RAD21L1: variants seen among roughly 807,000 people sequenced by gnomAD.
The protein encoded by RAD21L1 is RAD21 cohesin complex component like 1.
Under a neutral mutation model 69.0 loss-of-function variants are expected in RAD21L1, and 47 were observed. The ratio of observed to expected loss-of-function variants is 0.68; its 90% CI spans 0.54 to 0.87. The LOEUF (loss-of-function observed/expected upper bound fraction) is 0.87. RAD21L1 is among the 40% of genes least tolerant of loss of function. RAD21L1 has a pLI of 0.00. For synonymous variants in RAD21L1, 177 were observed against 205.8 expected (o/e 0.86, Z 1.20); for missense variants, 583 against 647.6 (o/e 0.90, Z 1.08).
At chr20:1,242,547 G>A (rs1189691927) in intron 8 of RAD21L1, 72 bp from the exon 9 acceptor site, 1 of 1,182,818 alleles carries the variant, frequency 8.5e-7, no homozygotes, top group East Asian at 2.5e-5. Context: ...AATTTCTTAA[G>A]TATTTAGTGC....
chr20:1,247,501 C>T (rs887447380), intron 12 of RAD21L1, among the ~76,000 whole-genome samples: 1 of 152,050 alleles, frequency 6.6e-6, no homozygotes, highest in African/African-American at 2.4e-5. Context: ...TAAATTGTAG[C>T]TGAAGGGATT....
chr20:1,252,192 T>C (rs781468045), intron 13 of RAD21L1, among the ~76,000 whole-genome samples: 1 of 152,228 alleles, frequency 6.6e-6, no homozygotes, highest in Admixed American at 6.5e-5. Flanking sequence ...TATTCCTTTT[T>C]GCTCTTTAAT....
At chr20:1,249,634 A>G (rs1371103118) in intron 13 of RAD21L1, among the ~76,000 whole-genome samples, 1 of 152,212 alleles carries the variant, frequency 6.6e-6, no homozygotes, top group Non-Finnish European at 1.5e-5. Context: ...ATTGACCAGT[A>G]CTTAGTCACA....
chr20:1,232,695 T>G lies in RAD21L1; in HGVS notation c.368+1076T>G, dbSNP rs528822478. Among the ~76,000 whole-genome samples the G allele has an allele frequency of 1.8e-4, 27 of 152,264 alleles. 1 individual carries two copies. The highest frequency in any genetic ancestry group is 5.2e-4 in the Admixed American group (8 of 15,286). On this transcript the variant is annotated intron_variant, in intron 4 of 13. Coordinates refer to ENST00000683101, the MANE Select transcript of RAD21L1 (RefSeq NM_001384355.1). ...AAGGAAGTAAACTAGGTTTTGCATA[T>G]AAGTTTTGGGATGACTGTTACACAT...
chr20:1,239,118 C>T (rs902414000), intron 6 of RAD21L1, among the ~76,000 whole-genome samples, 194 bp from the exon 7 acceptor site: 11 of 152,146 alleles, frequency 7.2e-5, no homozygotes, highest in African/African-American at 2.2e-4. Context: ...TGAGCCACTG[C>T]GCCCAGCCAA....
intron 2 of RAD21L1, among the ~76,000 whole-genome samples, chr20:1,229,150 A>G (rs974614251): frequency 1.3e-5 from 2 of 152,224 alleles, no homozygotes; most frequent in Non-Finnish European, 2.9e-5. Context: ...CTATAAGTCT[A>G]TTTAATCTTT....
Position 1,244,031 on chromosome 20 carries a change from TC to T in RAD21L1, c.1184-13del. 1 of 1,546,148 alleles carries T rather than the reference TC, an allele frequency of 6.5e-7. No individual in the cohort carries two copies. Among genetic ancestry groups the T allele is most frequent in the Non-Finnish European group, 8.7e-7 (1 of 1,143,950 alleles). On this transcript the variant is annotated splice_polypyrimidine_tract_variant and intron_variant, in intron 10 of 13. Transcript: ENST00000683101. ...ATATTTTGGTGAAATTGTCTTTATT[TC>T]CTTGATAATTCAGAGACATCCATGA...
At chr20:1,248,801 CT>C (rs1568527140) in intron 13 of RAD21L1, 98 bp downstream of exon 13, 2 of 708,662 alleles carry the variant, frequency 2.8e-6, no homozygotes, top group East Asian at 3.1e-5. Flanking sequence ...AATAATTTTC[CT>C]TATTTTTTTG....
At chr20:1,244,630 C>G (rs2087684040) in intron 11 of RAD21L1, among the ~76,000 whole-genome samples, 1 of 151,822 alleles carries the variant, frequency 6.6e-6, no homozygotes, top group Non-Finnish European at 1.5e-5. Context: ...AGATCTATGA[C>G]CAAAACAAAA....
intron 7 of RAD21L1, 100 bp from the exon 8 acceptor site, chr20:1,240,221 T>C (rs2087578336): frequency 2.1e-6 from 3 of 1,404,286 alleles, no homozygotes; most frequent in Non-Finnish European, 2.8e-6. Flanking sequence ...GTAATATAAA[T>C]CTTCAGTTAG....
intron 4 of RAD21L1, among the ~76,000 whole-genome samples, chr20:1,232,484 GTCA>G (rs2087411702): frequency 6.6e-6 from 1 of 152,220 alleles, no homozygotes; most frequent in Non-Finnish European, 1.5e-5. Context: ...TCAGTTCTCA[GTCA>G]TCATCTCACC....
intron 4 of RAD21L1, 53 bp from the exon 5 acceptor site, chr20:1,234,032 A>G (rs1268025922): frequency 1.3e-6 from 1 of 781,996 alleles, no homozygotes; most frequent in African/African-American, 1.8e-5. Flanking sequence ...ATATTTTTAC[A>G]GTATCATTGT....
intron 5 of RAD21L1, among the ~76,000 whole-genome samples, chr20:1,234,649 G>A (rs1292120117): frequency 6.6e-6 from 1 of 152,200 alleles, no homozygotes; most frequent in African/African-American, 2.4e-5. Flanking sequence ...TGGGGGTGAG[G>A]AAGAGGAAAT....
chr20:1,229,841 TA>T, intron 2 of RAD21L1, 38 bp from the exon 3 acceptor site: 1 of 1,439,956 alleles, frequency 6.9e-7, no homozygotes, highest in Non-Finnish European at 9.4e-7. Flanking sequence ...TTTATGAACC[TA>T]ATCTTTACTC....
intron 2 of RAD21L1, among the ~76,000 whole-genome samples, chr20:1,229,342 A>G (rs576578473): frequency 6.6e-6 from 1 of 152,322 alleles, no homozygotes; most frequent in South Asian, 2.1e-4. Context: ...TCAAAATTAA[A>G]TAAATTAGTG....
chr20:1,229,650 A>G (rs1365926941), intron 2 of RAD21L1, among the ~76,000 whole-genome samples: 1 of 152,254 alleles, frequency 6.6e-6, no homozygotes, highest in Non-Finnish European at 1.5e-5. Context: ...TATTCCTCTC[A>G]TAATACCAAT....
rs879656830 is a variant in RAD21L1, at chr20:1,229,775, T to C, written c.145-105T>C. ...ATACTTTAACTAAGAATACAAAATA[T>C]CTGCTTTTTTAAGAGAACCAATTCT... On this transcript the variant is annotated intron_variant, in intron 2 of 13. Coordinates refer to ENST00000683101, the MANE Select transcript of RAD21L1 (RefSeq NM_001384355.1). The C allele has an allele frequency of 1.3e-4, 105 of 822,112 alleles. No homozygotes were observed. In the Middle Eastern group the frequency reaches 1.8e-3, roughly 14 times the overall value. The allele number at this position is 822,112 out of a possible 1,614,324, so 50.9% of individuals were successfully genotyped here.
chr20:1,227,055 G>A (rs1035850174), intron 1 of RAD21L1, among the ~76,000 whole-genome samples: 1 of 151,690 alleles, frequency 6.6e-6, no homozygotes, highest in Admixed American at 6.6e-5. Flanking sequence ...GATTACAGAC[G>A]CCCGCCACCG....
chr20:1,231,651 A>C, intron 4 of RAD21L1, 32 bp downstream of exon 4: 1 of 1,081,016 alleles, frequency 9.3e-7, no homozygotes, highest in South Asian at 1.5e-5. Context: ...CCTTCGATTT[A>C]ATTTTCTTGA....
Sources: gnomAD v4.1 joint callset for allele counts (sites outside exome capture counted in the v4.1 genomes callset) on GRCh38, gnomAD v4.1.1 for gene constraint, MANE v1.5 for transcripts, NCBI Gene and HGNC (gene_info 2026-07-23, HGNC 2026-07-21) for gene names.